The following RBFOX1 variants were observed in gnomAD, a reference collection of about 807,000 sequenced individuals.
RBFOX1 encodes the protein RNA binding fox-1 homolog 1.
A neutral mutation model predicts 57.7 loss-of-function variants in RBFOX1; 8 were observed. That is an observed-to-expected ratio of 0.14 (90% CI 0.08 to 0.25). RBFOX1 has a LOEUF of 0.25. RBFOX1 is among the 10% of genes least tolerant of loss of function. The pLI is 1.00. For missense variants in RBFOX1, 611 were observed against 548.5 expected (o/e 1.11, Z -1.14); for synonymous variants, 326 against 222.4 (o/e 1.47, Z -4.15).
intron 4 of RBFOX1, among the ~76,000 whole-genome samples, chr16:7,198,008 T>TTTTTC (rs2087222658): frequency 1.6e-5 from 2 of 128,520 alleles, no homozygotes; most frequent in African/African-American, 3.0e-5. Context: ...CTTTTTTTTT[T>TTTTTC]TTTTTTTTTT....
At chr16:5,637,296 C>A (rs544124706) in intron 3 of RBFOX1, among the ~76,000 whole-genome samples, 1 of 152,180 alleles carries the variant, frequency 6.6e-6, no homozygotes, top group Non-Finnish European at 1.5e-5. Flanking sequence ...GTGTCTAGAG[C>A]AAACCCTGCC....
At chr16:5,340,456 G>A (rs993748101) in intron 1 of RBFOX1, among the ~76,000 whole-genome samples, 23 of 152,224 alleles carry the variant, frequency 1.5e-4, no homozygotes, top group African/African-American at 5.5e-4. Flanking sequence ...TCTATGATCT[G>A]TCAGGGATTG....
chr16:6,069,722 C>T (rs1052383471), intron 1 of RBFOX1, among the ~76,000 whole-genome samples: 4 of 151,964 alleles, frequency 2.6e-5, no homozygotes, highest in Admixed American at 1.3e-4. Flanking sequence ...TGAGGTGGCT[C>T]GCACCTGTAA....
chr16:6,594,328 C>T (rs927737645), intron 2 of RBFOX1, among the ~76,000 whole-genome samples: 8 of 152,078 alleles, frequency 5.3e-5, no homozygotes, highest in African/African-American at 1.9e-4. Flanking sequence ...CGACAAGATC[C>T]CATATTTAAC....
At chr16:5,282,907 T>C (rs887627742) in intron 1 of RBFOX1, among the ~76,000 whole-genome samples, 16 of 152,104 alleles carry the variant, frequency 1.1e-4, no homozygotes, top group Non-Finnish European at 2.2e-4. Flanking sequence ...ATGGGGAAAA[T>C]GTCTCCAGGG....
chr16:7,057,326 G>T (rs1009709246), intron 4 of RBFOX1, among the ~76,000 whole-genome samples: 2 of 152,142 alleles, frequency 1.3e-5, no homozygotes, highest in Non-Finnish European at 2.9e-5. Flanking sequence ...CATGCAACCA[G>T]GCCTCCCAGG....
intron 3 of RBFOX1, among the ~76,000 whole-genome samples, chr16:6,929,373 G>A (rs532448114): frequency 9.9e-5 from 15 of 152,174 alleles, no homozygotes; most frequent in Admixed American, 6.5e-5. Context: ...CCCGGTGCAC[G>A]TCACCATTGT....
intron 4 of RBFOX1, among the ~76,000 whole-genome samples, chr16:5,900,222 C>T (rs1466953414): frequency 6.6e-6 from 1 of 152,144 alleles, no homozygotes; most frequent in Non-Finnish European, 1.5e-5. Context: ...TGTGGGAGAT[C>T]CTGTCTTGCT....
At chr16:7,624,663 G>C (rs563955210) in intron 10 of RBFOX1, among the ~76,000 whole-genome samples, 5 of 152,180 alleles carry the variant, frequency 3.3e-5, no homozygotes, top group Non-Finnish European at 7.3e-5. Context: ...ATAAGCACTT[G>C]TGCTACTCAG....
chr16:7,458,541 A>C (rs1022162070), intron 4 of RBFOX1, among the ~76,000 whole-genome samples: 6 of 152,182 alleles, frequency 3.9e-5, no homozygotes, highest in Non-Finnish European at 8.8e-5. Context: ...TAAAGGAAAA[A>C]AACATTGACT....
intron 1 of RBFOX1, among the ~76,000 whole-genome samples, chr16:5,383,178 C>T (rs758027434): frequency 2.6e-5 from 4 of 152,168 alleles, no homozygotes; most frequent in African/African-American, 4.8e-5. Flanking sequence ...ACACAGCCAA[C>T]AAGTCTTCAC....
chr16:7,194,101 C>G (rs530532300), intron 4 of RBFOX1, among the ~76,000 whole-genome samples: 1 of 152,222 alleles, frequency 6.6e-6, no homozygotes, highest in East Asian at 1.9e-4. Flanking sequence ...TTCCATTTCT[C>G]TTTCCATTAC....
intron 2 of RBFOX1, among the ~76,000 whole-genome samples, chr16:6,443,464 C>T (rs2094426961): frequency 6.6e-6 from 1 of 152,148 alleles, no homozygotes; most frequent in African/African-American, 2.4e-5. Context: ...CCTTGTGAAG[C>T]ATTTATCCCC....
intron 1 of RBFOX1, among the ~76,000 whole-genome samples, chr16:5,251,392 G>T (rs1252762191): frequency 6.6e-6 from 1 of 152,338 alleles, no homozygotes; most frequent in African/African-American, 2.4e-5. Context: ...CACGTGTGGG[G>T]CAGGGCTGTT....
chr16:6,830,471 G>A (rs1419107340), intron 3 of RBFOX1, among the ~76,000 whole-genome samples: 1 of 152,106 alleles, frequency 6.6e-6, no homozygotes, highest in Non-Finnish European at 1.5e-5. Context: ...AAATAAGCAG[G>A]ATAAAAGCAT....
intron 2 of RBFOX1, among the ~76,000 whole-genome samples, chr16:5,504,262 C>T (rs1010633371): frequency 6.6e-6 from 1 of 152,230 alleles, no homozygotes; most frequent in South Asian, 2.1e-4. Flanking sequence ...GCCCAGAGCA[C>T]AGAGCAGGCC....
Position 5,586,699 on chromosome 16 carries a change from G to C in RBFOX1, c.259-12203G>C, listed in dbSNP as rs991218697. On this transcript the variant is annotated intron_variant, in intron 2 of 2. Coordinates refer to the RBFOX1 transcript ENST00000585867. Reference sequence around the variant, plus strand: ...CTGCCTGTAGAGAGGGGAACTTGCTGTATGGCACAGGCTGGTCTTGAACTC... The same window carrying C: ...CTGCCTGTAGAGAGGGGAACTTGCTCTATGGCACAGGCTGGTCTTGAACTC... Among the ~76,000 whole-genome samples, 3 of 152,160 alleles carry C rather than the reference G, an allele frequency of 2.0e-5. No individual in the cohort carries two copies. The East Asian group carries it at 5.8e-4, about 29-fold the overall frequency.
chr16:6,246,878 G>C (rs1388977157), intron 1 of RBFOX1, among the ~76,000 whole-genome samples: 1 of 152,140 alleles, frequency 6.6e-6, no homozygotes, highest in African/African-American at 2.4e-5. Flanking sequence ...AGACCAGCCT[G>C]GCCAACATGG....
intron 4 of RBFOX1, among the ~76,000 whole-genome samples, chr16:7,393,297 T>G (rs1395057093): frequency 6.6e-6 from 1 of 152,182 alleles, no homozygotes; most frequent in Non-Finnish European, 1.5e-5. Flanking sequence ...CTTAAGTTTG[T>G]GTCTGGGAAG....
Sources: gnomAD v4.1 joint callset for allele counts (sites outside exome capture counted in the v4.1 genomes callset) on GRCh38, gnomAD v4.1.1 for gene constraint, MANE v1.5 for transcripts, NCBI Gene and HGNC (gene_info 2026-07-23, HGNC 2026-07-21) for gene names.